Variants in ASAP2 observed in about 807,000 individuals in gnomAD.
ASAP2 encodes ArfGAP with SH3 domain, ankyrin repeat and PH domain 2.
A neutral mutation model predicts 131.4 loss-of-function variants in ASAP2; 45 were observed. The ratio of observed to expected loss-of-function variants is 0.34; its 90% confidence interval spans 0.27 to 0.44. The LOEUF (loss-of-function observed/expected upper bound fraction) is 0.44. Among genes scored for constraint, ASAP2 ranks in the 20% least tolerant of loss-of-function variants. The pLI, the probability that ASAP2 is intolerant of heterozygous loss-of-function variation, is 1.00. For missense variants in ASAP2, 1,011 were observed against 1,297.0 expected (o/e 0.78, Z 3.39); for synonymous variants, 510 against 503.0 (o/e 1.01, Z -0.19).
intron 1 of ASAP2, among the ~76,000 whole-genome samples, chr2:9,260,477 G>A (rs1295181341): frequency 6.6e-6 from 1 of 152,186 alleles, no homozygotes; most frequent in East Asian, 1.9e-4. Flanking sequence ...TGCGGGTGGA[G>A]CGGGGCCCAT....
chr2:9,280,869 C>T (rs1667089074), intron 2 of ASAP2, among the ~76,000 whole-genome samples: 1 of 152,224 alleles, frequency 6.6e-6, no homozygotes. Context: ...ATCTTGTCAA[C>T]AACTGATTCT....
chr2:9,247,887 C>G (rs1043015875), intron 1 of ASAP2, among the ~76,000 whole-genome samples: 2 of 152,222 alleles, frequency 1.3e-5, no homozygotes, highest in Non-Finnish European at 2.9e-5. Context: ...ATTTCCCGCT[C>G]TCCTCCTCTG....
intron 8 of ASAP2, 126 bp downstream of exon 8, chr2:9,334,939 C>A: frequency 7.5e-7 from 1 of 1,335,522 alleles, no homozygotes; most frequent in Non-Finnish European, 1.1e-6. Context: ...GTGGCGTTCC[C>A]ACGCCTGTCC....
chr2:9,207,627 G>A lies in ASAP2; in HGVS notation c.126+397G>A, dbSNP rs991873166. Among the ~76,000 whole-genome samples the A allele has an allele frequency of 2.0e-5, 3 of 151,986 alleles. No individual in the cohort carries two copies. Among genetic ancestry groups the A allele is most frequent in the Admixed American group, 6.5e-5 (1 of 15,274 alleles). On this transcript the variant is annotated intron_variant, in intron 1 of 27. Coordinates refer to ENST00000281419, the MANE Select transcript of ASAP2 (RefSeq NM_003887.3). This position sits in a 1 kb window ranked among gnomAD's most constrained non-coding sequence, Gnocchi z 4.1. Reference sequence around the variant, plus strand: ...CAACTTGTTCTTGAAGTGGACCGGCGGGGGCAGCTCCGCGCTCCGAGCTCC... The same window carrying A: ...CAACTTGTTCTTGAAGTGGACCGGCAGGGGCAGCTCCGCGCTCCGAGCTCC...
chr2:9,367,431 G>T (rs1673567941), intron 15 of ASAP2, among the ~76,000 whole-genome samples: 1 of 152,168 alleles, frequency 6.6e-6, no homozygotes, highest in Admixed American at 6.6e-5. Flanking sequence ...CACTGAGCTT[G>T]GTGCTCCCTT....
chr2:9,394,377 G>T (rs1444722629), intron 24 of ASAP2, among the ~76,000 whole-genome samples: 5 of 152,046 alleles, frequency 3.3e-5, no homozygotes, highest in Admixed American at 1.3e-4. Flanking sequence ...TGTTAGCCAG[G>T]ATGGTCTCGA....
Position 9,359,985 on chromosome 2 carries a change from TATTGTTC to T in ASAP2, c.1461+1099_1461+1105del, listed in dbSNP as rs1404624229. On this transcript the variant is annotated intron_variant, in intron 15 of 27. Transcript: ENST00000281419. ...TGCCTTCCTGGTTACATACAGCAATTATTGTTCATGTAATAATGCACGTAACCTACAG... is the reference window on the plus strand; with the variant it reads ...TGCCTTCCTGGTTACATACAGCAATTATGTAATAATGCACGTAACCTACAG... 9.8e-5 allele frequency among the ~76,000 whole-genome samples: 15 copies of T among 152,300 alleles called. No homozygotes were observed. In the South Asian group the frequency reaches 2.9e-3, roughly 29 times the overall value.
intron 2 of ASAP2, among the ~76,000 whole-genome samples, chr2:9,292,540 A>G (rs1360020322): frequency 2.0e-5 from 3 of 152,036 alleles, no homozygotes; most frequent in Non-Finnish European, 4.4e-5. Flanking sequence ...AAAACAAAAG[A>G]AAAACAGAGA....
chr2:9,278,525 A>G (rs1424905863), intron 1 of ASAP2, among the ~76,000 whole-genome samples: 1 of 151,968 alleles, frequency 6.6e-6, no homozygotes, highest in Non-Finnish European at 1.5e-5. Context: ...AAAAAAAAAA[A>G]AAAGAAAAAG....
intron 1 of ASAP2, among the ~76,000 whole-genome samples, chr2:9,214,240 C>CT (rs1303885801): frequency 2.0e-5 from 3 of 151,882 alleles, no homozygotes; most frequent in Non-Finnish European, 4.4e-5. Flanking sequence ...TTTTCTTTTT[C>CT]TTTTTTATTT....
intron 2 of ASAP2, among the ~76,000 whole-genome samples, chr2:9,291,471 G>A (rs1355747369): frequency 6.6e-6 from 1 of 152,158 alleles, no homozygotes; most frequent in Non-Finnish European, 1.5e-5. Context: ...GGAAACAGGT[G>A]GCATGTACAG....
At chr2:9,308,999 G>A (rs940014813) in intron 3 of ASAP2, among the ~76,000 whole-genome samples, 1 of 152,192 alleles carries the variant, frequency 6.6e-6, no homozygotes, top group African/African-American at 2.4e-5. Context: ...GAACCTGCCA[G>A]TCATACTCCT....
rs371071516 is a variant in ASAP2, at chr2:9,358,710, C to G, written c.1328-46C>G. 1.7e-4 allele frequency: 262 copies of G among 1,582,600 alleles called. 1 individual carries two copies. The highest frequency in any genetic ancestry group is 1.4e-3 in the Middle Eastern group (8 of 5,888). Reference sequence around the variant, plus strand: ...CAGGAAGAAAGATGTGACTCCTGACCCTCTTTTTTACTGGAAGCTCAAATC... The same window carrying G: ...CAGGAAGAAAGATGTGACTCCTGACGCTCTTTTTTACTGGAAGCTCAAATC... On this transcript the variant is annotated intron_variant, in intron 14 of 27. Transcript: ENST00000281419.
At chr2:9,287,535 G>A (rs1013125484) in intron 2 of ASAP2, among the ~76,000 whole-genome samples, 2 of 152,198 alleles carry the variant, frequency 1.3e-5, no homozygotes, top group Non-Finnish European at 2.9e-5. Context: ...TTCTCTGGCT[G>A]AGGAAGGTAG....
At chr2:9,402,672 C>T (rs1459307792) in intron 27 of ASAP2, among the ~76,000 whole-genome samples, 2 of 152,128 alleles carry the variant, frequency 1.3e-5, no homozygotes, top group African/African-American at 4.8e-5. Flanking sequence ...ACCACAGCAC[C>T]CCCCACCCAC....
chr2:9,207,443 C>T lies in ASAP2; in HGVS notation c.126+213C>T, dbSNP rs1661196803. Among the ~76,000 whole-genome samples the T allele has an allele frequency of 1.3e-5, 2 of 152,186 alleles. No homozygotes were observed. Among genetic ancestry groups the T allele is most frequent in the Admixed American group, 1.3e-4 (2 of 15,290 alleles). On this transcript the variant is annotated intron_variant, in intron 1 of 27. Transcript: ENST00000281419. This position sits in a 1 kb window ranked among gnomAD's most constrained non-coding sequence, Gnocchi z 4.1. ...CTTGGGCCTCTTTAAGACCTCCCCT[C>T]TCTCGGCCTCGTGGCCCTCGCGGGG... is the stretch of plus-strand genomic sequence containing the variant.
rs780747512 is a variant in ASAP2 at position 9,358,850 on chromosome 2, G to A, written c.1422G>A (p.Gln474=). 5 of 1,613,226 alleles carry A rather than the reference G, an allele frequency of 3.1e-6. No individual in the cohort carries two copies. The highest frequency in any genetic ancestry group is 4.2e-6 in the Non-Finnish European group (5 of 1,179,790). The change falls in exon 15 of 28, where the codon CAG becomes CAA. Residue 474 remains glutamine (Q), a synonymous_variant. Coordinates refer to ENST00000281419, the MANE Select transcript of ASAP2 (RefSeq NM_003887.3). ...TGGGGGTTCATTATTCCAGGATGCAGTCCCTGACCTTAGATGTACTGGGAA... is the reference window on the plus strand; with the variant it reads ...TGGGGGTTCATTATTCCAGGATGCAATCCCTGACCTTAGATGTACTGGGAA... ...RELGVHYSRM[Q]SLTLDVLGTS...
intron 3 of ASAP2, among the ~76,000 whole-genome samples, chr2:9,307,806 A>G (rs1008215659): frequency 1.3e-5 from 2 of 152,158 alleles, no homozygotes; most frequent in African/African-American, 4.8e-5. Flanking sequence ...GTTTGTGTTA[A>G]ACACTTAGGA....
chr2:9,210,350 G>C (rs908876979), intron 1 of ASAP2, among the ~76,000 whole-genome samples: 2 of 152,174 alleles, frequency 1.3e-5, no homozygotes, highest in Non-Finnish European at 2.9e-5. Flanking sequence ...ATCAACTTCA[G>C]AGGATTGTGG....
Sources: gnomAD v4.1 joint callset for allele counts (sites outside exome capture counted in the v4.1 genomes callset) on GRCh38, gnomAD v4.1.1 for gene constraint, Gnocchi (gnomAD v3.1) non-coding constraint, MANE v1.5 for transcripts, NCBI Gene and HGNC (gene_info 2026-07-23, HGNC 2026-07-21) for gene names.